GNPNAT1: variants seen among roughly 807,000 people sequenced by gnomAD.
The protein encoded by GNPNAT1 is glucosamine 6-phosphate N-acetyltransferase.
Under a neutral mutation model 19.8 loss-of-function variants are expected in GNPNAT1, and 11 were observed. The ratio of observed to expected loss-of-function variants is 0.56; its 90% CI spans 0.35 to 0.92. The LOEUF (loss-of-function observed/expected upper bound fraction) is 0.92. Ranked by LOEUF, GNPNAT1 falls within the 40% of genes least tolerant of loss-of-function variation. GNPNAT1 has a pLI of 0.01. For synonymous variants in GNPNAT1, 71 were observed against 72.3 expected, an observed-to-expected ratio of 0.98 and a Z score of 0.09; for missense variants, 157 against 211.0, an observed-to-expected ratio of 0.74 and a Z score of 1.59.
intron 5 of GNPNAT1, 126 bp from the exon 6 acceptor site, chr14:52,778,584 T>C (rs1882799051): frequency 1.3e-6 from 1 of 745,148 alleles, no homozygotes; most frequent in Non-Finnish European, 2.2e-6. Flanking sequence ...TTATGGCTTT[T>C]CCCACTGCAT....
intron 4 of GNPNAT1, among the ~76,000 whole-genome samples, chr14:52,781,364 CTCTT>C (rs1208124129): frequency 6.6e-6 from 1 of 152,050 alleles, no homozygotes; most frequent in Non-Finnish European, 1.5e-5. Context: ...TTTTCTCTCC[CTCTT>C]TTTTTATTTA....
At chr14:52,780,605 TCAAAC>T (rs1882870588) in intron 5 of GNPNAT1, 69 bp downstream of exon 5, 1 of 892,876 alleles carries the variant, frequency 1.1e-6, no homozygotes, top group Non-Finnish European at 1.9e-6. Context: ...AAAAAGAACT[TCAAAC>T]AAGTATCTTG....
Position 52,781,145 on chromosome 14 carries a change from C to CA in GNPNAT1, c.346-406dup, listed in dbSNP as rs538869568. On this transcript the variant is annotated intron_variant, in intron 4 of 5. Transcript: ENST00000216410. ...GTTTTGGCTATGTCCCCAACCTTCC[C>CA]ACCCCATTGTCTTTAAACAAATATC... is the stretch of plus-strand genomic sequence containing the variant. Among the ~76,000 whole-genome samples the CA allele has an allele frequency of 3.0e-4, 46 of 152,234 alleles. 1 individual carries two copies. Among genetic ancestry groups the CA allele is most frequent in the African/African-American group, 1.0e-3 (42 of 41,572 alleles).
intron 3 of GNPNAT1, among the ~76,000 whole-genome samples, chr14:52,782,251 CTT>C (rs1415851962): frequency 1.3e-5 from 2 of 152,064 alleles, no homozygotes; most frequent in East Asian, 1.9e-4. Context: ...AAATAGATCT[CTT>C]TAACTTTTAT....
intron 4 of GNPNAT1, among the ~76,000 whole-genome samples, chr14:52,780,962 CCTTT>C (rs1268457333): frequency 1.3e-5 from 2 of 152,078 alleles, no homozygotes; most frequent in African/African-American, 4.8e-5. Context: ...CTGAACATTT[CCTTT>C]GTTTTTAAAT....
At chr14:52,789,426 C>T (rs1326419412) in intron 1 of GNPNAT1, among the ~76,000 whole-genome samples, 1 of 152,130 alleles carries the variant, frequency 6.6e-6, no homozygotes, top group African/African-American at 2.4e-5. Context: ...GGGAATCAGA[C>T]TAGTCAAAAT....
intron 1 of GNPNAT1, among the ~76,000 whole-genome samples, chr14:52,785,708 T>A: frequency 6.6e-6 from 1 of 150,566 alleles, no homozygotes; most frequent in African/African-American, 2.4e-5. Flanking sequence ...CTGGGCAATG[T>A]AAGAGTGAAA....
chr14:52,778,890 C>A (rs1882808278), intron 5 of GNPNAT1, among the ~76,000 whole-genome samples: 2 of 151,964 alleles, frequency 1.3e-5, no homozygotes. Flanking sequence ...TGGCACATGC[C>A]TAAAGTCGCA....
intron 4 of GNPNAT1, among the ~76,000 whole-genome samples, chr14:52,781,091 T>C (rs1274962526): frequency 1.3e-5 from 2 of 152,162 alleles, no homozygotes; most frequent in Admixed American, 1.3e-4. Context: ...TTAGAGGAAA[T>C]AGTATGAGTC....
chr14:52,784,686 TAA>T (rs1337518694), intron 1 of GNPNAT1, 22 bp from the exon 2 acceptor site: 3 of 1,055,698 alleles, frequency 2.8e-6, no homozygotes, highest in African/African-American at 3.3e-5. Context: ...ATTTGAATAT[TAA>T]GTCACTTTAT....
At chr14:52,790,256 T>A (rs1594894364) in intron 1 of GNPNAT1, among the ~76,000 whole-genome samples, 1 of 152,200 alleles carries the variant, frequency 6.6e-6, no homozygotes, top group Non-Finnish European at 1.5e-5. Flanking sequence ...CTACAAATTT[T>A]AAAAAATACA....
chr14:52,787,672 T>C (rs1225993661), intron 1 of GNPNAT1, among the ~76,000 whole-genome samples: 1 of 152,156 alleles, frequency 6.6e-6, no homozygotes, highest in Non-Finnish European at 1.5e-5. Context: ...GTTTCCTCAT[T>C]TGTAAAATGG....
Position 52,781,825 on chromosome 14 carries a change from T to C in GNPNAT1, c.304A>G (p.Thr102Ala). ...ATGAATTTATGTTCTATAATCAGAG[T>C]TGCCGTAGCAACAATCTGTCCTAGA... ...VTLGQIVATATLIIEHKFIHS... is the reference protein window; with the variant it reads ...VTLGQIVATAALIIEHKFIHS... Residue 102 changes from threonine (T) to alanine (A), a missense_variant, in exon 4 of 6, where the codon ACT becomes GCT. Physicochemically the swap from Thr to Ala is moderately conservative, Grantham distance 58. Coordinates refer to ENST00000216410, the MANE Select transcript of GNPNAT1 (RefSeq NM_198066.4). 3 of 1,606,262 alleles carry C rather than the reference T, an allele frequency of 1.9e-6. No individual in the cohort carries two copies. Among genetic ancestry groups the C allele is most frequent in the Non-Finnish European group, 2.5e-6 (3 of 1,177,638 alleles).
chr14:52,776,238 GAGC>G lies in GNPNAT1; in HGVS notation c.*2070_*2072del, dbSNP rs1169214582. The G allele has an allele frequency of 5.3e-5, 8 of 152,032 alleles. No individual in the cohort carries two copies. The highest frequency in any genetic ancestry group is 1.9e-4 in the African/African-American group (8 of 41,494). The allele number at this position is 152,032 out of a possible 1,614,324, so 9.4% of individuals were successfully genotyped here. On this transcript the variant is annotated 3_prime_UTR_variant, in exon 6 of 6. Coordinates refer to ENST00000216410, the MANE Select transcript of GNPNAT1 (RefSeq NM_198066.4). ...CTATGGGGTAGTCCTGCTCCACAAG[GAGC>G]AGTTTTTAAAAAAAAAAAGTTTAAG...
In GNPNAT1 at chr14:52,778,472, AG is replaced by A; in HGVS notation, c.408-15del. On this transcript the variant is annotated splice_polypyrimidine_tract_variant and intron_variant, in intron 5 of 5. Transcript: ENST00000216410. ...GTTGATAATAACCTGAAATTTAAAA[AG>A]GGGGTAGGGTGAGGAGATAGCATTT... 1 of 1,597,528 alleles carries A rather than the reference AG, an allele frequency of 6.3e-7. No individual in the cohort carries two copies. The highest frequency in any genetic ancestry group is 1.4e-5 in the African/African-American group (1 of 73,946).
chr14:52,789,488 CAG>C (rs1883101325), intron 1 of GNPNAT1, among the ~76,000 whole-genome samples: 1 of 152,106 alleles, frequency 6.6e-6, no homozygotes, highest in African/African-American at 2.4e-5. Context: ...ACCAGGCAAT[CAG>C]AAATTAACAT....
chr14:52,777,198 CTT>C lies in GNPNAT1; in HGVS notation c.*1111_*1112del, dbSNP rs1347195652. 2 of 152,548 alleles carry C rather than the reference CTT, an allele frequency of 1.3e-5. No individual in the cohort carries two copies. Among genetic ancestry groups the C allele is most frequent in the Non-Finnish European group, 1.5e-5 (1 of 68,026 alleles). The allele number at this position is 152,548 out of a possible 1,614,324, so 9.4% of individuals were successfully genotyped here. A position where few individuals can be genotyped will look rare whatever the true frequency, so the allele number is the denominator to read the frequency against. ...TAAACTAAAATTTTATGAATTATGA[CTT>C]AATCTAATAGTTCAACAGCAGACTC... On this transcript the variant is annotated 3_prime_UTR_variant, in exon 6 of 6. Transcript: ENST00000216410.
In GNPNAT1 at chr14:52,783,492, T is replaced by C. The variant is rs748264515; in HGVS notation, c.155-7A>G. 3 of 1,594,446 alleles carry C rather than the reference T, an allele frequency of 1.9e-6. No homozygotes were observed. In the Admixed American group the frequency reaches 5.0e-5, roughly 27 times the overall value. On this transcript the variant is annotated splice_region_variant and splice_polypyrimidine_tract_variant and intron_variant, in intron 2 of 5. Transcript: ENST00000216410. ...CCCAATACCTTAAAAAAACCTAGTT[T>C]TGAAAAACAGATTTCAAATTACGAG...
chr14:52,785,657 A>C (rs1208363223), intron 1 of GNPNAT1, among the ~76,000 whole-genome samples: 1 of 150,788 alleles, frequency 6.6e-6, no homozygotes, highest in African/African-American at 2.4e-5. Flanking sequence ...CCTGGGAGGC[A>C]GAGGTTGTGG....
Sources: allele counts gnomAD v4.1 joint callset (sites outside exome capture counted in the v4.1 genomes callset), GRCh38; gene constraint gnomAD v4.1.1; transcripts MANE v1.5; gene names NCBI Gene and HGNC (gene_info 2026-07-23, HGNC 2026-07-21).